The following SLC25A47 variants were observed in gnomAD, a reference collection of about 807,000 sequenced individuals.
The protein encoded by SLC25A47 is solute carrier family 25 member 47.
SLC25A47 carries 30 observed loss-of-function variants against 29.8 expected under a neutral mutation model. The observed-to-expected ratio is 1.01, with a 90% CI of 0.75 to 1.36. SLC25A47 has a LOEUF of 1.36. Ranked by LOEUF, SLC25A47 falls within the 40% of genes most tolerant of loss-of-function variation. SLC25A47 has a pLI of 0.00. For missense variants in SLC25A47, 430 were observed against 441.9 expected (o/e 0.97, Z 0.24); for synonymous variants, 204 against 197.8 (o/e 1.03, Z -0.26).
intron 1 of SLC25A47, among the ~76,000 whole-genome samples, 190 bp downstream of exon 1, chr14:100,323,632 G>C (rs1341949513): frequency 6.6e-6 from 1 of 152,092 alleles, no homozygotes; most frequent in Non-Finnish European, 1.5e-5. Context: ...GGGCCTGGGG[G>C]GCTGCACTGG....
Position 100,327,373 on chromosome 14 carries a change from G to T in SLC25A47, c.327+3G>T. The T allele has an allele frequency of 6.3e-7, 1 of 1,587,920 alleles. No individual in the cohort carries two copies. Among genetic ancestry groups the T allele is most frequent in the South Asian group, 1.1e-5 (1 of 89,250 alleles). ...GATGCGCCTCCGGCCTCGTCCGCGT[G>T]AGTAGGGGCAGCCAGGGTGGGGAAG... On this transcript the variant is annotated splice_donor_region_variant and intron_variant, in intron 4 of 5. Transcript: ENST00000361529.
chr14:100,324,281 C>A (rs1206039872), intron 1 of SLC25A47, among the ~76,000 whole-genome samples: 1 of 152,052 alleles, frequency 6.6e-6, no homozygotes, highest in African/African-American at 2.4e-5. Context: ...CTGAAATGCA[C>A]TGGCGTGATC....
At chr14:100,326,094 AG>A in intron 2 of SLC25A47, 62 bp from the exon 3 acceptor site, 3 of 1,403,698 alleles carry the variant, frequency 2.1e-6, no homozygotes, top group Admixed American at 3.8e-5. Flanking sequence ...CCCCTTCCCC[AG>A]GGCCTGCTGG....
Position 100,329,605 on chromosome 14 carries a change from A to G in SLC25A47, c.887A>G (p.Tyr296Cys). The G allele has an allele frequency of 1.1e-5, 17 of 1,613,566 alleles. No individual in the cohort carries two copies. Among genetic ancestry groups the G allele is most frequent in the East Asian group, 2.2e-5 (1 of 44,882 alleles). The change falls in exon 6 of 6, where the codon TAT (tyrosine) becomes TGT (cysteine). Residue 296 changes from tyrosine to cysteine, a missense_variant. Transcript: ENST00000361529. ...GTCAACATGGTGGTCTTCGTCGCCT[A>G]TGAGGCAGTGCTGAGGCTCGCCCGG... ...FPVNMVVFVA[Y>C]EAVLRLARGL... is the part of the protein sequence containing the mutation.
chr14:100,328,667 A>G lies in SLC25A47; in HGVS notation c.328-59A>G. 1.9e-6 allele frequency: 3 copies of G among 1,545,674 alleles called. No individual in the cohort carries two copies. In the South Asian group the frequency reaches 3.3e-5, roughly 17 times the overall value. On this transcript the variant is annotated intron_variant, in intron 4 of 5. Coordinates refer to ENST00000361529, the MANE Select transcript of SLC25A47 (RefSeq NM_207117.4). Reference sequence around the variant, plus strand: ...AGCAACATGAGGCTGGTGGGAGGCCAGGTCCAGGCTGTGGGCAGAGCCACA... The same window carrying G: ...AGCAACATGAGGCTGGTGGGAGGCCGGGTCCAGGCTGTGGGCAGAGCCACA...
At position 100,327,338 on chromosome 14, in the gene SLC25A47, A is replaced by T. The variant is rs147799130; in HGVS notation, c.295A>T (p.Thr99Ser). The T allele has an allele frequency of 3.1e-6, 5 of 1,600,638 alleles. No homozygotes were observed. The African/African-American group carries it at 5.3e-5, about 17-fold the overall frequency. The stretch of plus-strand genomic sequence containing the variant: ...CGCCAAGCCCACCAAGGCCGACATC[A>T]CGCTCTCGGGATGCGCCTCCGGCCT... ...PDAKPTKADI[T>S]LSGCASGLVR... Residue 99 changes from threonine (T) to serine (S), a missense_variant, in exon 4 of 6, where the codon ACG becomes TCG. Coordinates refer to ENST00000361529, the MANE Select transcript of SLC25A47 (RefSeq NM_207117.4).
chr14:100,329,640 A>T lies in SLC25A47; in HGVS notation c.922A>T (p.Thr308Ser), dbSNP rs1203071797. Residue 308 changes from threonine (T) to serine (S), a missense_variant, in exon 6 of 6, where the codon ACA becomes TCA. Thr to Ser is a moderately conservative substitution (Grantham distance 58). Coordinates refer to ENST00000361529, the MANE Select transcript of SLC25A47 (RefSeq NM_207117.4). ...GCTGAGGCTCGCCCGGGGTCTGCTC[A>T]CATAGCCGGTCCCCACGCCCAGCGG... Reference protein sequence around the residue: ...AVLRLARGLLT With the variant: ...AVLRLARGLLS 5.0e-6 allele frequency: 8 copies of T among 1,607,028 alleles called. No individual in the cohort carries two copies. The highest frequency in any genetic ancestry group is 4.5e-5 in the East Asian group (2 of 44,766).
intron 4 of SLC25A47, among the ~76,000 whole-genome samples, chr14:100,328,462 T>C (rs1893379871): frequency 6.6e-6 from 1 of 152,180 alleles, no homozygotes; most frequent in Non-Finnish European, 1.5e-5. Context: ...TGAACCTGGG[T>C]CATGGAAATT....
rs112352578 is a variant in SLC25A47, at chr14:100,328,200, G to A, written c.328-526G>A. Among the ~76,000 whole-genome samples, 336 of 148,760 alleles carry A rather than the reference G, an allele frequency of 2.3e-3. 1 individual carries two copies. The highest frequency in any genetic ancestry group is 7.6e-3 in the African/African-American group (305 of 40,314). The stretch of plus-strand genomic sequence containing the variant: ...CATCTCCGCTCACTACAACCTCTAC[G>A]TCCCAGGTTCAAGCAATTCTCCTGC... On this transcript the variant is annotated intron_variant, in intron 4 of 5. Coordinates refer to ENST00000361529, the MANE Select transcript of SLC25A47 (RefSeq NM_207117.4).
chr14:100,328,975 T>C lies in SLC25A47; in HGVS notation c.577T>C (p.Phe193Leu). 1 of 1,602,104 alleles carries C rather than the reference T, an allele frequency of 6.2e-7. No homozygotes were observed. Among genetic ancestry groups the C allele is most frequent in the Non-Finnish European group, 8.5e-7 (1 of 1,179,832 alleles). The change falls in exon 5 of 6, where the codon TTT becomes CTT. Residue 193 changes from phenylalanine to leucine, a missense_variant. Physicochemically the swap from Phe to Leu is conservative, Grantham distance 22. Coordinates refer to ENST00000361529, the MANE Select transcript of SLC25A47 (RefSeq NM_207117.4). ...CCTGGTCTTACGGGACGGCCACTCC[T>C]TTGCCACCTACTTCCTTTCCTACGC... Reference protein sequence around the residue: ...SALVLRDGHSFATYFLSYAVL... With the variant: ...SALVLRDGHSLATYFLSYAVL...
intron 2 of SLC25A47, 101 bp downstream of exon 2, chr14:100,325,932 C>G: frequency 1.5e-6 from 2 of 1,333,790 alleles, no homozygotes; most frequent in Non-Finnish European, 2.1e-6. Context: ...CCTTTCCTAC[C>G]CAAATGCCTT....
Position 100,323,371 on chromosome 14 carries a change from C to A in SLC25A47, c.-44C>A. 1 of 1,611,662 alleles carries A rather than the reference C, an allele frequency of 6.2e-7. No individual in the cohort carries two copies. The highest frequency in any genetic ancestry group is 1.1e-5 in the South Asian group (1 of 91,028). On this transcript the variant is annotated 5_prime_UTR_variant, in exon 1 of 6. Coordinates refer to ENST00000361529, the MANE Select transcript of SLC25A47 (RefSeq NM_207117.4). The stretch of plus-strand genomic sequence containing the variant: ...AGGCCACCCTGGTGGCACCAAAGCC[C>A]TCTCAGGCAGGCAGACCCAGGGCCT...
chr14:100,328,972 TC>T lies in SLC25A47; in HGVS notation c.576del (p.Phe193LeufsTer48). The T allele has an allele frequency of 6.2e-7, 1 of 1,602,324 alleles. No individual in the cohort carries two copies. The highest frequency in any genetic ancestry group is 2.2e-5 in the East Asian group (1 of 44,850). ...GGCCCTGGTCTTACGGGACGGCCAC[TC>T]CTTTGCCACCTACTTCCTTTCCTAC... Reference protein sequence around the residue: ...SSALVLRDGHSFATYFLSYAV... With the variant: ...SSALVLRDGHXFATYFLSYAV... On this transcript the variant is annotated frameshift_variant, in exon 5 of 6. Transcript: ENST00000361529. LOFTEE classifies it high-confidence loss of function.
rs8015259 is a variant in SLC25A47 at position 100,329,001 on chromosome 14, G to A, written c.603G>A (p.Ala201=). 57 of 1,600,070 alleles carry A rather than the reference G, an allele frequency of 3.6e-5. No individual in the cohort carries two copies. The highest frequency in any genetic ancestry group is 4.3e-5 in the Non-Finnish European group (51 of 1,179,796). ...HSFATYFLSY[A]VLCEWLSPAG... Reference sequence around the variant, plus strand: ...TTGCCACCTACTTCCTTTCCTACGCGGTCCTCTGCGAGTGGCTCAGCCCCG... The same window carrying A: ...TTGCCACCTACTTCCTTTCCTACGCAGTCCTCTGCGAGTGGCTCAGCCCCG... Residue 201 remains alanine, a synonymous_variant, in exon 5 of 6, where the codon GCG becomes GCA. Coordinates refer to ENST00000361529, the MANE Select transcript of SLC25A47 (RefSeq NM_207117.4).
rs746420887 is a variant in SLC25A47 at position 100,328,863 on chromosome 14, A to G, written c.465A>G (p.Pro155=). The change falls in exon 5 of 6, where the codon CCA becomes CCG. Residue 155 remains proline, a synonymous_variant. Coordinates refer to ENST00000361529, the MANE Select transcript of SLC25A47 (RefSeq NM_207117.4). ...PPMCPVPPAC[P]EPKYRGPLHC... ...TGTGTCCTGTGCCCCCAGCCTGCCCAGAGCCCAAGTACCGCGGGCCACTGC... is the reference window on the plus strand; with the variant it reads ...TGTGTCCTGTGCCCCCAGCCTGCCCGGAGCCCAAGTACCGCGGGCCACTGC... 13 of 1,612,414 alleles carry G rather than the reference A, an allele frequency of 8.1e-6. No homozygotes were observed. Among genetic ancestry groups the G allele is most frequent in the Non-Finnish European group, 1.0e-5 (12 of 1,179,752 alleles).
intron 4 of SLC25A47, among the ~76,000 whole-genome samples, chr14:100,327,611 G>C (rs577943279): frequency 6.6e-6 from 1 of 152,304 alleles, no homozygotes; most frequent in African/African-American, 2.4e-5. Flanking sequence ...TCAGGAAGGG[G>C]GCTGTGACCA....
In SLC25A47 at chr14:100,329,454, C is replaced by A; in HGVS notation, c.736C>A (p.Gln246Lys). Residue 246 changes from glutamine to lysine, a missense_variant, in exon 6 of 6, where the codon CAG becomes AAG. Transcript: ENST00000361529. Reference protein sequence around the residue: ...TPMDVIKSRLQADGQGQRRYR... With the variant: ...TPMDVIKSRLKADGQGQRRYR... ...CATGGACGTGATCAAGTCGAGACTG[C>A]AGGCAGACGGGCAGGGCCAGAGGCG... The A allele has an allele frequency of 6.2e-7, 1 of 1,613,486 alleles. No individual in the cohort carries two copies. Among genetic ancestry groups the A allele is most frequent in the Non-Finnish European group, 8.5e-7 (1 of 1,179,990 alleles).
At chr14:100,326,094 A>G (rs538170049) in intron 2 of SLC25A47, 63 bp from the exon 3 acceptor site, 7 of 1,403,698 alleles carry the variant, frequency 5.0e-6, no homozygotes, top group African/African-American at 1.4e-5. Flanking sequence ...CCCCTTCCCC[A>G]GGGCCTGCTG....
In SLC25A47 at chr14:100,327,340, G is replaced by C; in HGVS notation, c.297G>C (p.Thr99=). 6.2e-7 allele frequency: 1 copy of C among 1,600,682 alleles called. No homozygotes were observed. Among genetic ancestry groups the C allele is most frequent in the Non-Finnish European group, 8.5e-7 (1 of 1,179,462 alleles). The change falls in exon 4 of 6, where the codon ACG becomes ACC. Residue 99 remains threonine, a synonymous_variant. Coordinates refer to ENST00000361529, the MANE Select transcript of SLC25A47 (RefSeq NM_207117.4). Reference sequence around the variant, plus strand: ...CCAAGCCCACCAAGGCCGACATCACGCTCTCGGGATGCGCCTCCGGCCTCG... The same window carrying C: ...CCAAGCCCACCAAGGCCGACATCACCCTCTCGGGATGCGCCTCCGGCCTCG... ...PDAKPTKADI[T]LSGCASGLVR...
Sources: gnomAD v4.1 joint callset for allele counts (sites outside exome capture counted in the v4.1 genomes callset) on GRCh38, gnomAD v4.1.1 for gene constraint, MANE v1.5 for transcripts, NCBI Gene and HGNC (gene_info 2026-07-23, HGNC 2026-07-21) for gene names.